The following PTPRC variants were observed in gnomAD, a reference collection of about 807,000 sequenced individuals.
PTPRC encodes the protein receptor-type tyrosine-protein phosphatase C.
PTPRC carries 44 observed loss-of-function variants against 155.9 expected under a neutral mutation model. That is an observed-to-expected ratio of 0.28 (90% CI 0.22 to 0.36). PTPRC has a LOEUF of 0.36. PTPRC is among the 10% of genes least tolerant of loss of function. The pLI is 1.00. For synonymous variants in PTPRC, 525 were observed against 533.1 expected (o/e 0.98, Z 0.21); for missense variants, 1,401 against 1,564.6 (o/e 0.90, Z 1.76).
In PTPRC at chr1:198,706,870, A is replaced by G. The variant is rs1653004349; in HGVS notation, c.822A>G (p.Thr274=). 1.2e-6 allele frequency: 2 copies of G among 1,613,644 alleles called. No homozygotes were observed. Among genetic ancestry groups the G allele is most frequent in the Non-Finnish European group, 1.7e-6 (2 of 1,179,678 alleles). Residue 274 remains threonine, a synonymous_variant, in exon 9 of 33, where the codon ACA becomes ACG. Transcript: ENST00000442510. Reference sequence around the variant, plus strand: ...CAAACAATGAGGTGCATAACCTTACAGAATGTAAAAATGCGTCTGTTTCCA... The same window carrying G: ...CAAACAATGAGGTGCATAACCTTACGGAATGTAAAAATGCGTCTGTTTCCA... ...TCTNNEVHNL[T]ECKNASVSIS... is the part of the protein sequence containing the mutation.
Position 198,718,100 on chromosome 1 carries a change from G to A in PTPRC, c.1457G>A (p.Ser486Asn), listed in dbSNP as rs759266994. The change falls in exon 14 of 33, where the codon AGC (serine) becomes AAC (asparagine). Residue 486 changes from serine to asparagine, a missense_variant. Physicochemically the swap from Ser to Asn is conservative, Grantham distance 46. This residue lies in a region of PTPRC where 867 missense variants were observed against 970.4 expected (regional missense o/e 0.89). Transcript: ENST00000442510. ...CHFTTKSAPP[S>N]QVWNMTVSMT... ...TCTTTCTTCATTTTGATAGCTCCAA[G>A]CCAGGTCTGGAACATGACTGTCTCC... 1.2e-6 allele frequency: 2 copies of A among 1,611,192 alleles called. No homozygotes were observed. The highest frequency in any genetic ancestry group is 1.7e-6 in the Non-Finnish European group (2 of 1,177,394).
chr1:198,726,902 G>A lies in PTPRC; in HGVS notation c.1721-1438G>A, dbSNP rs1197906971. Reference sequence around the variant, plus strand: ...TTTCTTGACAGAGTCTTGCTCTGTCGTCCAGGTTGGAGTACAGTGGTGCAA... The same window carrying A: ...TTTCTTGACAGAGTCTTGCTCTGTCATCCAGGTTGGAGTACAGTGGTGCAA... On this transcript the variant is annotated intron_variant, in intron 15 of 32. Coordinates refer to ENST00000442510, the MANE Select transcript of PTPRC (RefSeq NM_002838.5). Among the ~76,000 whole-genome samples the A allele has an allele frequency of 3.7e-5, 5 of 133,964 alleles. No individual in the cohort carries two copies. The South Asian group carries it at 6.8e-4, about 18-fold the overall frequency. The allele number at this position is 133,964 out of a possible 152,430, so 87.9% of individuals were successfully genotyped here. A position where few individuals can be genotyped will look rare whatever the true frequency, so the allele number is the denominator to read the frequency against.
At chr1:198,708,317 A>T in intron 10 of PTPRC, 56 bp downstream of exon 10, 1 of 1,514,082 alleles carries the variant, frequency 6.6e-7, no homozygotes, top group Non-Finnish European at 9.1e-7. Context: ...GTTGTTCTAG[A>T]TATTATTTAA....
chr1:198,722,000 TA>T (rs1050018939), intron 14 of PTPRC, among the ~76,000 whole-genome samples: 27 of 151,354 alleles, frequency 1.8e-4, no homozygotes, highest in African/African-American at 4.6e-4. Flanking sequence ...CATTTGCCCT[TA>T]AAAAAATGTA....
At chr1:198,681,198 C>A (rs1157061207) in intron 2 of PTPRC, among the ~76,000 whole-genome samples, 1 of 151,526 alleles carries the variant, frequency 6.6e-6, no homozygotes, top group South Asian at 2.1e-4. Flanking sequence ...TTATTATTTA[C>A]GAATGTTAAT....
rs554353974 is a variant in PTPRC at position 198,732,037 on chromosome 1, T to C, written c.1975-263T>C. Among the ~76,000 whole-genome samples the C allele has an allele frequency of 2.6e-5, 4 of 152,120 alleles. No individual in the cohort carries two copies. The East Asian group carries it at 7.7e-4, about 29-fold the overall frequency. ...TCCAAGTATCTGTTTTTAAATGAAT[T>C]TGATAGTGACACAACAACTAATCCT... is the stretch of plus-strand genomic sequence containing the variant. On this transcript the variant is annotated intron_variant, in intron 18 of 32. Coordinates refer to ENST00000442510, the MANE Select transcript of PTPRC (RefSeq NM_002838.5).
chr1:198,748,476 G>T (rs548294274), intron 27 of PTPRC, among the ~76,000 whole-genome samples: 1 of 151,696 alleles, frequency 6.6e-6, no homozygotes, highest in South Asian at 2.1e-4. Context: ...AATATATAAA[G>T]CTGGGAGAAA....
chr1:198,727,050 G>A (rs1326047276), intron 15 of PTPRC, among the ~76,000 whole-genome samples: 1 of 151,716 alleles, frequency 6.6e-6, no homozygotes, highest in Admixed American at 6.6e-5. Flanking sequence ...TAGTAGAGAT[G>A]AGGTTTCACC....
At chr1:198,741,206 T>C (rs1571885934) in intron 23 of PTPRC, among the ~76,000 whole-genome samples, 2 of 151,854 alleles carry the variant, frequency 1.3e-5, no homozygotes, top group South Asian at 4.1e-4. Context: ...ATGTAGATGG[T>C]TCTTTATACC....
At chr1:198,639,971 T>G (rs2102163082) in intron 2 of PTPRC, among the ~76,000 whole-genome samples, 1 of 152,170 alleles carries the variant, frequency 6.6e-6, no homozygotes, top group East Asian at 1.9e-4. Flanking sequence ...ACATTTTTGC[T>G]TTAGAAATTC....
chr1:198,697,588 T>A (rs1048543917), intron 4 of PTPRC, among the ~76,000 whole-genome samples: 1 of 152,236 alleles, frequency 6.6e-6, no homozygotes, highest in Non-Finnish European at 1.5e-5. Context: ...TATGCTCATT[T>A]AATGTTTAGC....
At chr1:198,722,955 T>C (rs1334612322) in intron 15 of PTPRC, among the ~76,000 whole-genome samples, 1 of 151,864 alleles carries the variant, frequency 6.6e-6, no homozygotes, top group East Asian at 1.9e-4. Flanking sequence ...TAAAATATTT[T>C]CATCAAAGTA....
At chr1:198,707,414 A>G (rs1055490477) in intron 9 of PTPRC, among the ~76,000 whole-genome samples, 9 of 151,490 alleles carry the variant, frequency 5.9e-5, no homozygotes, top group Admixed American at 5.9e-4. Flanking sequence ...TAGTGAGATC[A>G]AGTTGGTTTT....
At chr1:198,742,426 C>T in intron 25 of PTPRC, 59 bp downstream of exon 25, 4 of 1,583,484 alleles carry the variant, frequency 2.5e-6, no homozygotes, top group Non-Finnish European at 3.5e-6. Flanking sequence ...AAATCTTTTC[C>T]AAGTGATAAT....
intron 12 of PTPRC, among the ~76,000 whole-genome samples, chr1:198,715,121 T>TTTTG (rs915193487): frequency 1.3e-5 from 2 of 151,924 alleles, no homozygotes; most frequent in African/African-American, 2.4e-5. Flanking sequence ...CTGCTCTTGG[T>TTTTG]TTTGTTTGTT....
rs1362360660 is a variant in PTPRC, at chr1:198,725,154, AG to A, written c.1720+2679del. Among the ~76,000 whole-genome samples the A allele has an allele frequency of 6.6e-5, 10 of 152,228 alleles. No homozygotes were observed. In the South Asian group the frequency reaches 1.9e-3, roughly 28 times the overall value. On this transcript the variant is annotated intron_variant, in intron 15 of 32. Transcript: ENST00000442510. Reference sequence around the variant, plus strand: ...GATGCTATTGACCTTTGTAACCTGAAGATTTATATATCTGAGAATTCTTTGC... The same window carrying A: ...GATGCTATTGACCTTTGTAACCTGAAATTTATATATCTGAGAATTCTTTGC...
intron 5 of PTPRC, among the ~76,000 whole-genome samples, chr1:198,701,691 C>A (rs368585239): frequency 2.6e-5 from 4 of 152,240 alleles, no homozygotes. Flanking sequence ...CAATTAGCAA[C>A]TATGTGATTG....
chr1:198,691,919 C>T (rs1052694786), intron 2 of PTPRC, among the ~76,000 whole-genome samples: 1 of 151,994 alleles, frequency 6.6e-6, no homozygotes, highest in Admixed American at 6.6e-5. Context: ...TCATTGAGGG[C>T]AGGGAATTTT....
At chr1:198,657,017 AG>A in intron 2 of PTPRC, among the ~76,000 whole-genome samples, 1 of 145,334 alleles carries the variant, frequency 6.9e-6, no homozygotes. Context: ...TGGAATCAAG[AG>A]GTTTTTTTTT....
Sources: gnomAD v4.1 joint callset for allele counts (sites outside exome capture counted in the v4.1 genomes callset) on GRCh38, gnomAD v4.1.1 for gene constraint, gnomAD v4.1.1 regional missense constraint, MANE v1.5 for transcripts, NCBI Gene and HGNC (gene_info 2026-07-23, HGNC 2026-07-21) for gene names.